The following LRP4 variants were observed in gnomAD, a reference collection of about 807,000 sequenced individuals.
LRP4 encodes low-density lipoprotein receptor-related protein 4.
A neutral mutation model predicts 220.3 loss-of-function variants in LRP4; 95 were observed. That is an observed-to-expected ratio of 0.43 (90% CI 0.37 to 0.51). LRP4 has a LOEUF of 0.51. Among genes scored for constraint, LRP4 ranks in the 20% least tolerant of loss-of-function variants. The probability of loss-of-function intolerance (pLI) is 0.00; values close to 1 mark genes in which losing one functional copy is unlikely to be tolerated. For missense variants in LRP4, 1,925 were observed against 2,567.0 expected (o/e 0.75, Z 5.40); for synonymous variants, 903 against 954.6 (o/e 0.95, Z 1.00).
In LRP4 at chr11:46,890,137, A is replaced by G; in HGVS notation, c.1916-17T>C. 6.2e-7 allele frequency: 1 copy of G among 1,613,628 alleles called. No homozygotes were observed. Among genetic ancestry groups the G allele is most frequent in the Non-Finnish European group, 8.5e-7 (1 of 1,179,644 alleles). On this transcript the variant is annotated splice_polypyrimidine_tract_variant and intron_variant, in intron 14 of 37. Coordinates refer to ENST00000378623, the MANE Select transcript of LRP4 (RefSeq NM_002334.4). This position sits in a 1 kb window ranked among gnomAD's most constrained non-coding sequence, Gnocchi z 5.3. Reference sequence around the variant, plus strand: ...GCGGGAGGCCTGGGGAAAGTCCAGGAAGACCTCAGTCTGGACGTGGTCTGC... The same window carrying G: ...GCGGGAGGCCTGGGGAAAGTCCAGGGAGACCTCAGTCTGGACGTGGTCTGC...
chr11:46,866,493 C>T (rs1940704779), intron 34 of LRP4, among the ~76,000 whole-genome samples: 1 of 152,070 alleles, frequency 6.6e-6, no homozygotes, highest in South Asian at 2.1e-4. Flanking sequence ...ACTATGTTAC[C>T]CAGGCTTGTC....
intron 16 of LRP4, 47 bp downstream of exon 16, chr11:46,889,364 A>C: frequency 6.2e-7 from 1 of 1,611,008 alleles, no homozygotes; most frequent in Non-Finnish European, 8.5e-7. Flanking sequence ...CCTTCTCCCC[A>C]TCCTCACAAC....
chr11:46,898,953 G>C lies in LRP4; in HGVS notation c.627C>G (p.His209Gln). 1 of 1,613,870 alleles carries C rather than the reference G, an allele frequency of 6.2e-7. No individual in the cohort carries two copies. The highest frequency in any genetic ancestry group is 8.5e-7 in the Non-Finnish European group (1 of 1,179,978). ...CTCCACAGTCATCGTCGCCATCGCA[G>C]TGGTAGATGTCGAGGATGCAGCGTC... ...AYGRCILDIY[H>Q]CDGDDDCGDW... The change falls in exon 6 of 38, where the codon CAC becomes CAG. Residue 209 changes from histidine to glutamine, a missense_variant. Physicochemically the swap from His to Gln is conservative, Grantham distance 24. Transcript: ENST00000378623.
At chr11:46,908,539 C>T (rs753624051) in intron 1 of LRP4, among the ~76,000 whole-genome samples, 1 of 152,186 alleles carries the variant, frequency 6.6e-6, no homozygotes, top group African/African-American at 2.4e-5. Flanking sequence ...GATTATACTG[C>T]TTCCCAATAA....
At chr11:46,912,084 C>A (rs924739602) in intron 1 of LRP4, among the ~76,000 whole-genome samples, 1 of 152,114 alleles carries the variant, frequency 6.6e-6, no homozygotes, top group Non-Finnish European at 1.5e-5. Flanking sequence ...GAACTCCTGA[C>A]GTCAAGTGAT....
intron 19 of LRP4, among the ~76,000 whole-genome samples, chr11:46,883,297 A>T (rs1941204737): frequency 6.6e-6 from 1 of 152,244 alleles, no homozygotes. Context: ...CAGCACTGTG[A>T]CATGTTCATG....
rs761288117 is a variant in LRP4, at chr11:46,867,978, C to T, written c.5087+1G>A. 6.2e-7 allele frequency: 1 copy of T among 1,614,150 alleles called. No homozygotes were observed. The highest frequency in any genetic ancestry group is 1.1e-5 in the South Asian group (1 of 91,086). On this transcript the variant is annotated splice_donor_variant, in intron 34 of 37. Coordinates refer to ENST00000378623, the MANE Select transcript of LRP4 (RefSeq NM_002334.4). LOFTEE classifies it high-confidence loss of function. ...CATGATCCTGCATTGAACCTATTTACCTTCCTTCCACCTCCTCCAGAGACG... is the reference window on the plus strand; with the variant it reads ...CATGATCCTGCATTGAACCTATTTATCTTCCTTCCACCTCCTCCAGAGACG...
At chr11:46,868,736 T>A in intron 32 of LRP4, 23 bp from the exon 33 acceptor site, 1 of 1,526,934 alleles carries the variant, frequency 6.5e-7, no homozygotes, top group Non-Finnish European at 9.1e-7. Context: ...TAGATGAATG[T>A]CTTATCTGGG....
rs753234669 is a variant in LRP4 at position 46,886,492 on chromosome 11, G to A, written c.2257C>T (p.Arg753Cys). Residue 753 changes from arginine (R) to cysteine (C), a missense_variant, in exon 17 of 38, where the codon CGT becomes TGT. Coordinates refer to ENST00000378623, the MANE Select transcript of LRP4 (RefSeq NM_002334.4). ...TCCTCTGTGTCAAAGCTGATTCGAC[G>A]GATGTCCATCCTTCGGGCAAAAAGC... ...FLLFARRMDI[R>C]RISFDTEDLS... 6.8e-6 allele frequency: 11 copies of A among 1,613,944 alleles called. No individual in the cohort carries two copies. The highest frequency in any genetic ancestry group is 1.3e-5 in the African/African-American group (1 of 74,914).
intron 16 of LRP4, among the ~76,000 whole-genome samples, chr11:46,888,928 G>A (rs1183033317): frequency 6.6e-6 from 1 of 152,212 alleles, no homozygotes; most frequent in East Asian, 1.9e-4. Context: ...TTCAGGGACA[G>A]ACCAGGGAAG....
Position 46,890,120 on chromosome 11 carries a change from C to T in LRP4, c.1916G>A (p.Gly639Asp). The T allele has an allele frequency of 6.2e-7, 1 of 1,613,982 alleles. No homozygotes were observed. The highest frequency in any genetic ancestry group is 1.1e-5 in the South Asian group (1 of 91,070). ...GSHRKAVISQ[G>D]LPHPFAITVF... Reference sequence around the variant, plus strand: ...TGTGATGGCGAAGGGATGCGGGAGGCCTGGGGAAAGTCCAGGAAGACCTCA... The same window carrying T: ...TGTGATGGCGAAGGGATGCGGGAGGTCTGGGGAAAGTCCAGGAAGACCTCA... Residue 639 changes from glycine to aspartate, a missense_variant and splice_region_variant, in exon 15 of 38, where the codon GGC becomes GAC. By Grantham distance (94) the Gly-to-Asp change is moderately conservative. Coordinates refer to ENST00000378623, the MANE Select transcript of LRP4 (RefSeq NM_002334.4). This position sits in a 1 kb window ranked among gnomAD's most constrained non-coding sequence, Gnocchi z 5.3.
chr11:46,861,584 G>C, intron 37 of LRP4, among the ~76,000 whole-genome samples: 1 of 142,650 alleles, frequency 7.0e-6, no homozygotes, highest in East Asian at 2.3e-4. Context: ...GGAGGGTAGT[G>C]GCATGATCAC....
chr11:46,905,566 T>C (rs994826665), intron 1 of LRP4, among the ~76,000 whole-genome samples: 3 of 152,162 alleles, frequency 2.0e-5, no homozygotes, highest in African/African-American at 7.2e-5. Context: ...CTATAACGTG[T>C]ATAATTCTAT....
chr11:46,913,225 G>A (rs779215549), intron 1 of LRP4, among the ~76,000 whole-genome samples: 6 of 152,210 alleles, frequency 3.9e-5, no homozygotes, highest in Non-Finnish European at 5.9e-5. Flanking sequence ...ATGGGCGTAA[G>A]AGGCGCCCAA....
chr11:46,861,170 T>C (rs1940535889), intron 37 of LRP4, among the ~76,000 whole-genome samples: 1 of 152,202 alleles, frequency 6.6e-6, no homozygotes, highest in African/African-American at 2.4e-5. Flanking sequence ...AAGCCATCCC[T>C]GCACATTCTG....
chr11:46,876,766 C>T lies in LRP4; in HGVS notation c.3342G>A (p.Gln1114=). 6.2e-7 allele frequency: 1 copy of T among 1,614,134 alleles called. No homozygotes were observed. The highest frequency in any genetic ancestry group is 1.1e-5 in the South Asian group (1 of 91,082). ...CACCTGTGGTGATGATGTCCTCATG[C>T]TGTGAGCCATCCAGATTGGCACGAC... ...RISRANLDGS[Q]HEDIITTGLQ... Residue 1114 remains glutamine (Q), a synonymous_variant, in exon 24 of 38, where the codon CAG becomes CAA. Transcript: ENST00000378623.
At chr11:46,900,416 T>G (rs568061837) in intron 2 of LRP4, 38 bp from the exon 3 acceptor site, 1 of 1,282,652 alleles carries the variant, frequency 7.8e-7, no homozygotes, top group South Asian at 1.2e-5. Flanking sequence ...TCAATCAACC[T>G]GGTATTCTTA....
chr11:46,900,053 A>G (rs896184490), intron 3 of LRP4, 77 bp from the exon 4 acceptor site: 2 of 1,229,128 alleles, frequency 1.6e-6, no homozygotes, highest in Non-Finnish European at 1.2e-6. Context: ...AGCCCTCCGG[A>G]GCAGTCAAGT....
intron 15 of LRP4, 58 bp downstream of exon 15, chr11:46,889,886 A>G (rs1941382917): frequency 6.3e-7 from 1 of 1,588,108 alleles, no homozygotes; most frequent in Non-Finnish European, 8.6e-7. Context: ...TCTCAGAGGC[A>G]CCAGAGGCCA....
Sources: gnomAD v4.1 joint callset for allele counts (sites outside exome capture counted in the v4.1 genomes callset) on GRCh38, gnomAD v4.1.1 for gene constraint, Gnocchi (gnomAD v3.1) non-coding constraint, MANE v1.5 for transcripts, NCBI Gene and HGNC (gene_info 2026-07-23, HGNC 2026-07-21) for gene names.